The following RNF214 variants were observed in gnomAD, a reference collection of about 807,000 sequenced individuals.
RNF214 encodes the protein ring finger protein 214.
Under a neutral mutation model 75.9 loss-of-function variants are expected in RNF214, and 25 were observed. The ratio of observed to expected loss-of-function variants is 0.33; its 90% confidence interval spans 0.24 to 0.46. The LOEUF (loss-of-function observed/expected upper bound fraction) is 0.46. Ranked by LOEUF, RNF214 falls within the 20% of genes least tolerant of loss-of-function variation. RNF214 has a pLI of 1.00. For synonymous variants in RNF214, 314 were observed against 308.8 expected (o/e 1.02, Z -0.18); for missense variants, 725 against 857.5 (o/e 0.85, Z 1.93).
intron 5 of RNF214, among the ~76,000 whole-genome samples, chr11:117,245,579 T>G (rs2033198960): frequency 6.6e-6 from 1 of 151,992 alleles, no homozygotes; most frequent in South Asian, 2.1e-4. Flanking sequence ...CCTGACCTCA[T>G]GATCCACCTG....
chr11:117,261,110 T>G (rs1444694799), intron 6 of RNF214, among the ~76,000 whole-genome samples: 1 of 152,156 alleles, frequency 6.6e-6, no homozygotes, highest in Non-Finnish European at 1.5e-5. Context: ...TATCTTTGCC[T>G]TGTTCCTGCT....
chr11:117,284,954 A>G lies in RNF214; in HGVS notation c.2047-132A>G, dbSNP rs1428431178. The G allele has an allele frequency of 4.7e-6, 3 of 634,158 alleles. No individual in the cohort carries two copies. The African/African-American group carries it at 5.5e-5, about 12-fold the overall frequency. 39.3% of individuals were successfully genotyped at this position (634,158 alleles called of 1,614,324 possible). A position where few individuals can be genotyped will look rare whatever the true frequency, so the allele number is the denominator to read the frequency against. ...CAAAAAAAGAAAAAAGAACAGCAACAAAAAAAGCCCCTCTTGTACCTCAGT... is the reference window on the plus strand; with the variant it reads ...CAAAAAAAGAAAAAAGAACAGCAACGAAAAAAGCCCCTCTTGTACCTCAGT... On this transcript the variant is annotated intron_variant, in intron 14 of 14. Coordinates refer to ENST00000300650, the MANE Select transcript of RNF214 (RefSeq NM_207343.4).
At chr11:117,254,046 G>C (rs1329715229) in intron 6 of RNF214, among the ~76,000 whole-genome samples, 1 of 152,132 alleles carries the variant, frequency 6.6e-6, no homozygotes, top group Non-Finnish European at 1.5e-5. Flanking sequence ...CTGAGGTCAG[G>C]AGTTGGAGAC....
chr11:117,278,174 CG>C (rs1489441766), intron 6 of RNF214, among the ~76,000 whole-genome samples: 2 of 147,362 alleles, frequency 1.4e-5, no homozygotes, highest in African/African-American at 5.0e-5. Flanking sequence ...TGTGGTGGCA[CG>C]TGCCTGTAGT....
intron 6 of RNF214, among the ~76,000 whole-genome samples, chr11:117,255,173 G>A (rs1295772009): frequency 6.6e-6 from 1 of 152,152 alleles, no homozygotes; most frequent in African/African-American, 2.4e-5. Context: ...CTTACCCTTA[G>A]CAGATGATCT....
intron 6 of RNF214, among the ~76,000 whole-genome samples, chr11:117,266,803 A>C (rs923455504): frequency 2.0e-5 from 3 of 147,874 alleles, no homozygotes; most frequent in Admixed American, 6.7e-5. Flanking sequence ...TTTCTTTGCA[A>C]TTTTTTTGTT....
intron 1 of RNF214, among the ~76,000 whole-genome samples, chr11:117,233,346 C>T (rs1400805070): frequency 2.6e-5 from 4 of 152,184 alleles, no homozygotes. Flanking sequence ...AACTGAGGCA[C>T]AGAGGGTCTG....
In RNF214 at chr11:117,282,781, A is replaced by G; in HGVS notation, c.1881A>G (p.Pro627=). ...GCATCCGGGCCTTGTTCCCTGCTCC[A>G]CTGGCCCAAATCAGTACCCCAATGT... ...LGRIRALFPA[P]LAQISTPMFL... is the part of the protein sequence containing the mutation. The change falls in exon 13 of 15, where the codon CCA becomes CCG. Residue 627 remains proline (P), a synonymous_variant. Transcript: ENST00000300650. 1 of 1,614,106 alleles carries G rather than the reference A, an allele frequency of 6.2e-7. No individual in the cohort carries two copies. Among genetic ancestry groups the G allele is most frequent in the Non-Finnish European group, 8.5e-7 (1 of 1,180,012 alleles).
At chr11:117,250,053 A>T (rs1433261079) in intron 6 of RNF214, among the ~76,000 whole-genome samples, 1 of 152,226 alleles carries the variant, frequency 6.6e-6, no homozygotes, top group Non-Finnish European at 1.5e-5. Context: ...CTTCAAAGAG[A>T]TTACTGTTTA....
At position 117,244,879 on chromosome 11, in the gene RNF214, C is replaced by G. The variant is rs1298103352; in HGVS notation, c.819+294C>G. Among the ~76,000 whole-genome samples the G allele has an allele frequency of 4.0e-5, 6 of 151,766 alleles. 1 individual carries two copies. Among genetic ancestry groups the G allele is most frequent in the Non-Finnish European group, 7.4e-5 (5 of 67,942 alleles). On this transcript the variant is annotated intron_variant, in intron 5 of 14. Coordinates refer to ENST00000300650, the MANE Select transcript of RNF214 (RefSeq NM_207343.4). Reference sequence around the variant, plus strand: ...ACGGGGTTTTGTCATGTTGCCCAGGCTGGTCTTGAACTCCAGACTCAAGAA... The same window carrying G: ...ACGGGGTTTTGTCATGTTGCCCAGGGTGGTCTTGAACTCCAGACTCAAGAA...
intron 4 of RNF214, among the ~76,000 whole-genome samples, chr11:117,242,952 A>G (rs1361931830): frequency 2.0e-5 from 3 of 152,124 alleles, no homozygotes; most frequent in Non-Finnish European, 2.9e-5. Flanking sequence ...AAATATATAC[A>G]TTCATCAGTT....
In RNF214 at chr11:117,234,374, T is replaced by C; in HGVS notation, c.102T>C (p.Gly34=). The change falls in exon 2 of 15, where the codon GGT becomes GGC. Residue 34 remains glycine, a synonymous_variant. Coordinates refer to ENST00000300650, the MANE Select transcript of RNF214 (RefSeq NM_207343.4). ...ASKSDEGLPD[G]LSTKDSAQKQ... ...AATCAGACGAAGGTCTCCCAGATGG[T>C]CTAAGGTAATGTGTGGACTCCTGAC... is the stretch of plus-strand genomic sequence containing the variant. 1 of 1,608,348 alleles carries C rather than the reference T, an allele frequency of 6.2e-7. No individual in the cohort carries two copies. Among genetic ancestry groups the C allele is most frequent in the Non-Finnish European group, 8.5e-7 (1 of 1,174,732 alleles).
At chr11:117,240,527 A>G (rs1715704801) in intron 4 of RNF214, among the ~76,000 whole-genome samples, 1 of 151,830 alleles carries the variant, frequency 6.6e-6, no homozygotes, top group African/African-American at 2.4e-5. Flanking sequence ...ATCTCTACTA[A>G]AAATACAAAA....
intron 6 of RNF214, among the ~76,000 whole-genome samples, chr11:117,279,248 A>G (rs150735679): frequency 3.5e-4 from 53 of 152,112 alleles, no homozygotes; most frequent in Non-Finnish European, 6.2e-4. Context: ...TCTGCCTTCA[A>G]TGGAGGGCTT....
Position 117,282,034 on chromosome 11 carries a change from C to T in RNF214, c.1476C>T (p.Ala492=). 6.2e-7 allele frequency: 1 copy of T among 1,614,076 alleles called. No individual in the cohort carries two copies. Among genetic ancestry groups the T allele is most frequent in the Non-Finnish European group, 8.5e-7 (1 of 1,180,012 alleles). Reference sequence around the variant, plus strand: ...TGTCTTTCCCAATCCTGAACCCTGCCCTTTCCCAGCCCAGCCAGCCTTCCT... The same window carrying T: ...TGTCTTTCCCAATCCTGAACCCTGCTCTTTCCCAGCCCAGCCAGCCTTCCT... ...RSLSFPILNP[A]LSQPSQPSSP... The change falls in exon 11 of 15, where the codon GCC becomes GCT. Residue 492 remains alanine (A), a synonymous_variant. Transcript: ENST00000300650.
chr11:117,256,344 A>G (rs914050819), intron 6 of RNF214, among the ~76,000 whole-genome samples: 1 of 152,230 alleles, frequency 6.6e-6, no homozygotes, highest in Non-Finnish European at 1.5e-5. Flanking sequence ...TCTTGAAACA[A>G]TAGTATTTTA....
rs1327744962 is a variant in RNF214, at chr11:117,234,402, G to T, written c.107+23G>T. On this transcript the variant is annotated intron_variant, in intron 2 of 14. Coordinates refer to ENST00000300650, the MANE Select transcript of RNF214 (RefSeq NM_207343.4). The stretch of plus-strand genomic sequence containing the variant: ...AAGGTAATGTGTGGACTCCTGACTG[G>T]GAAGATTCATTTGGGTAAAGGGTTT... 2.0e-6 allele frequency: 3 copies of T among 1,536,028 alleles called. No individual in the cohort carries two copies. The African/African-American group carries it at 4.1e-5, about 21-fold the overall frequency.
intron 6 of RNF214, among the ~76,000 whole-genome samples, chr11:117,258,683 C>G (rs974159768): frequency 1.3e-5 from 2 of 151,656 alleles, no homozygotes; most frequent in Non-Finnish European, 1.5e-5. Context: ...AATGTATGCA[C>G]TTGAGTAATT....
At chr11:117,249,443 G>T (rs565571783) in intron 6 of RNF214, among the ~76,000 whole-genome samples, 1 of 152,118 alleles carries the variant, frequency 6.6e-6, no homozygotes, top group African/African-American at 2.4e-5. Context: ...CATTCTTTCT[G>T]TTAAATGTGG....
Sources: allele counts gnomAD v4.1 joint callset (sites outside exome capture counted in the v4.1 genomes callset), GRCh38; gene constraint gnomAD v4.1.1; transcripts MANE v1.5; gene names NCBI Gene and HGNC (gene_info 2026-07-23, HGNC 2026-07-21).